Variants in NPAS3 observed in about 807,000 individuals in gnomAD.
NPAS3 encodes neuronal PAS domain protein 3.
A neutral mutation model predicts 73.1 loss-of-function variants in NPAS3; 14 were observed. The ratio of observed to expected loss-of-function variants is 0.19; its 90% CI spans 0.13 to 0.30. The LOEUF is 0.30. NPAS3 is among the 10% of genes least tolerant of loss of function. The pLI is 1.00. For synonymous variants in NPAS3, 620 were observed against 541.5 expected (o/e 1.14, Z -2.01); for missense variants, 1,096 against 1,250.0 (o/e 0.88, Z 1.86).
intron 3 of NPAS3, among the ~76,000 whole-genome samples, chr14:33,217,948 C>T (rs562821187): frequency 3.3e-5 from 5 of 152,280 alleles, no homozygotes; most frequent in African/African-American, 7.2e-5. Context: ...CATCATCAGA[C>T]GTTTTAGGTG....
intron 4 of NPAS3, among the ~76,000 whole-genome samples, chr14:33,473,700 A>G (rs969897557): frequency 9.2e-5 from 14 of 152,156 alleles, no homozygotes; most frequent in Non-Finnish European, 1.6e-4. Flanking sequence ...AAATAGAGAG[A>G]AAGTTTTCTG....
At chr14:33,354,948 C>T (rs1311613848) in intron 3 of NPAS3, among the ~76,000 whole-genome samples, 1 of 152,168 alleles carries the variant, frequency 6.6e-6, no homozygotes. Flanking sequence ...TGCACCGTGC[C>T]TCAGGTGATA....
At chr14:33,237,691 T>C (rs974567837) in intron 3 of NPAS3, among the ~76,000 whole-genome samples, 2 of 152,026 alleles carry the variant, frequency 1.3e-5, no homozygotes, top group Non-Finnish European at 2.9e-5. Context: ...ATCAGGAAAA[T>C]ACATGCATAC....
chr14:33,795,913 C>T (rs1236520058), intron 10 of NPAS3, among the ~76,000 whole-genome samples: 2 of 152,106 alleles, frequency 1.3e-5, no homozygotes, highest in African/African-American at 4.8e-5. Context: ...CAATCTCAGG[C>T]ATAGAAGACC....
intron 1 of NPAS3, among the ~76,000 whole-genome samples, chr14:33,038,166 G>A (rs1365611027): frequency 1.3e-5 from 2 of 152,160 alleles, no homozygotes; most frequent in African/African-American, 4.8e-5. Context: ...AGGGATGAAG[G>A]CTTGGGAATA....
rs11623138 is a variant in NPAS3 at position 33,472,714 on chromosome 14, G to A, written c.469-87407G>A. Among the ~76,000 whole-genome samples the A allele has an allele frequency of 1.2e-3, 174 of 150,462 alleles. 2 individuals carry two copies. The highest frequency in any genetic ancestry group is 1.1e-3 in the Non-Finnish European group (73 of 67,998). ...TGACTCCAGTGTTTTTGTCCTCAGT[G>A]GCTGGATGAAGTTGCCTTTTATTCA... is the stretch of plus-strand genomic sequence containing the variant. On this transcript the variant is annotated intron_variant, in intron 4 of 11. Coordinates refer to ENST00000356141, the Ensembl canonical transcript of NPAS3.
At position 33,330,088 on chromosome 14, in the gene NPAS3, C is replaced by T. The variant is rs1056857485; in HGVS notation, c.386-37098C>T. Among the ~76,000 whole-genome samples the T allele has an allele frequency of 2.0e-5, 3 of 152,022 alleles. No individual in the cohort carries two copies. The East Asian group carries it at 5.8e-4, about 30-fold the overall frequency. On this transcript the variant is annotated intron_variant, in intron 3 of 11. Transcript: ENST00000356141. ...CAAAACCCCAGCTCTACTAAAAATG[C>T]AGAAATTAGCCAGGTGTGGTGGTGC...
rs2063696578 is a variant in NPAS3 at position 33,800,948 on chromosome 14, AT to A, written c.2642del (p.Met881SerfsTer9). ...CTACCACCACGTGCACCGGCTCAAC[AT>A]GTCAGGACCGTTCGGCGGCGCAGTG... On this transcript the variant is annotated frameshift_variant, in exon 12 of 12. Coordinates refer to ENST00000356141, the Ensembl canonical transcript of NPAS3. LOFTEE classifies it high-confidence loss of function. This position sits in a 1 kb window ranked among gnomAD's most constrained non-coding sequence, Gnocchi z 6.5. The A allele has an allele frequency of 6.2e-7, 1 of 1,605,950 alleles. No homozygotes were observed. The highest frequency in any genetic ancestry group is 8.5e-7 in the Non-Finnish European group (1 of 1,176,854).
chr14:33,308,521 T>C (rs1253503486), intron 3 of NPAS3, among the ~76,000 whole-genome samples: 1 of 38,522 alleles, frequency 2.6e-5, no homozygotes, highest in African/African-American at 1.8e-4. Context: ...TATATATATA[T>C]ATATATACAT....
chr14:33,468,480 G>A lies in NPAS3; in HGVS notation c.469-91641G>A, dbSNP rs563154694. Among the ~76,000 whole-genome samples, 18 of 152,216 alleles carry A rather than the reference G, an allele frequency of 1.2e-4. No individual in the cohort carries two copies. The East Asian group carries it at 2.7e-3, about 23-fold the overall frequency. ...AAGAAATACATTTATTCTTTGGAGG[G>A]TCTCTTTTTTTCCTCTAAAAATGTG... On this transcript the variant is annotated intron_variant, in intron 4 of 11. Coordinates refer to ENST00000356141, the Ensembl canonical transcript of NPAS3.
At chr14:33,431,002 G>T (rs577417421) in intron 4 of NPAS3, among the ~76,000 whole-genome samples, 4 of 152,250 alleles carry the variant, frequency 2.6e-5, no homozygotes, top group East Asian at 1.9e-4. Context: ...GAAGATGAAA[G>T]CTCCTTTTAC....
At chr14:33,055,812 A>T in intron 1 of NPAS3, 93 bp from the exon 2 acceptor site, 3 of 578,806 alleles carry the variant, frequency 5.2e-6, no homozygotes, top group Non-Finnish European at 9.4e-6. Context: ...TAAAAAGCAA[A>T]ATATATTGAA....
At chr14:33,229,039 T>C (rs1156869387) in intron 3 of NPAS3, among the ~76,000 whole-genome samples, 2 of 152,190 alleles carry the variant, frequency 1.3e-5, no homozygotes, top group African/African-American at 4.8e-5. Context: ...TTGAATGTGA[T>C]GACATTTAAT....
At chr14:32,997,643 G>A (rs767221524) in intron 1 of NPAS3, among the ~76,000 whole-genome samples, 6 of 152,034 alleles carry the variant, frequency 3.9e-5, no homozygotes, top group African/African-American at 1.4e-4. Context: ...TGTGACTGGC[G>A]GCTGGGCGCA....
intron 4 of NPAS3, among the ~76,000 whole-genome samples, chr14:33,399,502 C>T (rs2047360431): frequency 6.6e-6 from 1 of 152,092 alleles, no homozygotes; most frequent in Admixed American, 6.6e-5. Flanking sequence ...CTTACTCCCT[C>T]TGTAAAAGTG....
intron 3 of NPAS3, among the ~76,000 whole-genome samples, chr14:33,337,054 T>G (rs2140297805): frequency 6.6e-6 from 1 of 152,302 alleles, no homozygotes; most frequent in African/African-American, 2.4e-5. Context: ...CTCAAAGGTG[T>G]TTTTTGAAGA....
At chr14:33,426,587 C>G (rs541061874) in intron 4 of NPAS3, among the ~76,000 whole-genome samples, 13 of 151,794 alleles carry the variant, frequency 8.6e-5, no homozygotes, top group Non-Finnish European at 1.9e-4. Flanking sequence ...ATATCATGAG[C>G]GAGGATACTT....
At chr14:33,175,944 C>T (rs922817845) in intron 2 of NPAS3, among the ~76,000 whole-genome samples, 19 of 152,058 alleles carry the variant, frequency 1.2e-4, no homozygotes, top group African/African-American at 4.6e-4. Context: ...TCAAAAGTTA[C>T]TTATCCAGAG....
chr14:33,270,880 C>T (rs243308), intron 3 of NPAS3, among the ~76,000 whole-genome samples: 26,421 of 152,106 alleles, frequency 0.17, 2,374 homozygotes, highest in East Asian at 0.26. Flanking sequence ...AGACAGGGAT[C>T]ACTGGAAATA....
Sources: allele counts gnomAD v4.1 joint callset (sites outside exome capture counted in the v4.1 genomes callset), GRCh38; gene constraint gnomAD v4.1.1; non-coding constraint Gnocchi (gnomAD v3.1); transcripts MANE v1.5; gene names NCBI Gene and HGNC (gene_info 2026-07-23, HGNC 2026-07-21).